RANBP17: variants seen among roughly 807,000 people sequenced by gnomAD.
RANBP17 encodes the protein ran-binding protein 17.
RANBP17 carries 158 observed loss-of-function variants against 141.2 expected under a neutral mutation model. The observed-to-expected ratio is 1.12, with a 90% CI of 0.98 to 1.28. RANBP17 has a LOEUF of 1.28. Ranked by LOEUF, RANBP17 falls within the 50% of genes most tolerant of loss-of-function variation. The pLI, the probability that RANBP17 is intolerant of heterozygous loss-of-function variation, is 0.00. For missense variants in RANBP17, 1,438 were observed against 1,290.7 expected (o/e 1.11, Z -1.75); for synonymous variants, 430 against 450.0 (o/e 0.96, Z 0.56).
intron 11 of RANBP17, among the ~76,000 whole-genome samples, chr5:170,923,209 T>G (rs1259577475): frequency 6.6e-6 from 1 of 152,190 alleles, no homozygotes; most frequent in African/African-American, 2.4e-5. Context: ...CTAGAGTTCT[T>G]CTTTTTGGCA....
intron 22 of RANBP17, among the ~76,000 whole-genome samples, chr5:171,229,269 G>C (rs1000180480): frequency 6.6e-6 from 1 of 152,150 alleles, no homozygotes; most frequent in African/African-American, 2.4e-5. Context: ...CAACACCTTG[G>C]GATCCCAAAA....
At chr5:171,071,653 C>CAAAAAAAAAAAAAAAAAAAAAAAAA (rs34555837) in intron 14 of RANBP17, among the ~76,000 whole-genome samples, 1 of 69,616 alleles carries the variant, frequency 1.4e-5, no homozygotes, top group East Asian at 5.2e-4. Flanking sequence ...CAGCTTTATG[C>CAAAAAAAAAAAAAAAAAAAAAAAAA]AAAAAAAAAA....
rs115010983 is a variant in RANBP17 at position 171,055,038 on chromosome 5, T to C, written c.1710+86661T>C. Among the ~76,000 whole-genome samples the C allele has an allele frequency of 4.0e-3, 604 of 151,496 alleles. 7 individuals are homozygous for C. Among genetic ancestry groups the C allele is most frequent in the African/African-American group, 0.014 (580 of 41,282 alleles). On this transcript the variant is annotated intron_variant, in intron 14 of 27. Coordinates refer to ENST00000523189, the MANE Select transcript of RANBP17 (RefSeq NM_022897.5). ...TCAACTTAAGAAAACATTGAGTGAG[T>C]TTATCCTGCATATCTACACAAAGAG...
chr5:170,988,304 A>G (rs1171279654), intron 14 of RANBP17, among the ~76,000 whole-genome samples: 2 of 151,136 alleles, frequency 1.3e-5, no homozygotes, highest in Non-Finnish European at 3.0e-5. Flanking sequence ...TTTTTTAAGT[A>G]AGGGAGAGGG....
rs748381125 is a variant in RANBP17 at position 171,265,836 on chromosome 5, G to GTCC, written c.2934_2936dup (p.Leu979dup). 6.2e-7 allele frequency: 1 copy of GTCC among 1,613,008 alleles called. No individual in the cohort carries two copies. On this transcript the variant is annotated inframe_insertion, in exon 25 of 28. Coordinates refer to ENST00000523189, the MANE Select transcript of RANBP17 (RefSeq NM_022897.5). Reference sequence around the variant, plus strand: ...ACATTTTATGCAGCAAAACCCAGATGTCCTGCAGCAGGTAACTGGTGGTTG... The same window carrying GTCC: ...ACATTTTATGCAGCAAAACCCAGATGTCCTCCTGCAGCAGGTAACTGGTGGTTG...
In RANBP17 at chr5:171,169,707, C is replaced by G. The variant is rs930625189; in HGVS notation, c.1711-423C>G. ...ATTTTTATAACTGCCTTAAATAATC[C>G]TGAAATGGTTAATATTTTGCTGAAA... On this transcript the variant is annotated intron_variant, in intron 14 of 27. Coordinates refer to ENST00000523189, the MANE Select transcript of RANBP17 (RefSeq NM_022897.5). 2.2e-4 allele frequency among the ~76,000 whole-genome samples: 33 copies of G among 150,136 alleles called. 1 individual carries two copies. The highest frequency in any genetic ancestry group is 1.5e-5 in the Non-Finnish European group (1 of 67,480).
At chr5:170,891,809 A>C (rs1350614997) in intron 3 of RANBP17, among the ~76,000 whole-genome samples, 1 of 152,202 alleles carries the variant, frequency 6.6e-6, no homozygotes, top group Non-Finnish European at 1.5e-5. Context: ...GGGACATGAG[A>C]CTTGGTCAGG....
chr5:171,239,965 T>C (rs1372134855), intron 22 of RANBP17, among the ~76,000 whole-genome samples: 1 of 152,190 alleles, frequency 6.6e-6, no homozygotes, highest in East Asian at 1.9e-4. Context: ...ATGTCTCTTT[T>C]GGCCAATTCT....
In RANBP17 at chr5:171,103,167, G is replaced by A. The variant is rs565600674; in HGVS notation, c.1711-66963G>A. 5.3e-4 allele frequency among the ~76,000 whole-genome samples: 81 copies of A among 152,232 alleles called. 1 individual carries two copies. The South Asian group carries it at 0.013, about 24-fold the overall frequency. On this transcript the variant is annotated intron_variant, in intron 14 of 27. Transcript: ENST00000523189. ...GCTGCTCTCTTCCAAGCCGGCAGGC[G>A]GGCACATTTAAGTCTGCTGAAGCTG...
chr5:171,150,231 G>T (rs1026880874), intron 14 of RANBP17, among the ~76,000 whole-genome samples: 1 of 151,932 alleles, frequency 6.6e-6, no homozygotes, highest in African/African-American at 2.4e-5. Context: ...TAATCCTCCA[G>T]AGAATAATTA....
At chr5:170,948,536 T>C (rs572142753) in intron 12 of RANBP17, among the ~76,000 whole-genome samples, 28 of 152,346 alleles carry the variant, frequency 1.8e-4, no homozygotes, top group African/African-American at 6.5e-4. Context: ...ATACCGACAC[T>C]GTAACAGTGT....
In RANBP17 at chr5:170,981,677, C is replaced by A. The variant is rs576792174; in HGVS notation, c.1710+13300C>A. 3.3e-5 allele frequency among the ~76,000 whole-genome samples: 5 copies of A among 152,100 alleles called. No homozygotes were observed. The East Asian group carries it at 9.7e-4, about 29-fold the overall frequency. On this transcript the variant is annotated intron_variant, in intron 14 of 27. Coordinates refer to ENST00000523189, the MANE Select transcript of RANBP17 (RefSeq NM_022897.5). ...AAACTGTAAGTCCGTAAACCTCTTT[C>A]ATAAATTACCCAGTCTCAGGTATGT...
chr5:170,904,303 CCTT>C, intron 5 of RANBP17: 1 of 255,614 alleles, frequency 3.9e-6, no homozygotes, highest in South Asian at 6.3e-5. Context: ...AAAAAGCTCA[CCTT>C]CATCACTGTC....
At chr5:171,088,766 G>T (rs929860170) in intron 14 of RANBP17, among the ~76,000 whole-genome samples, 1 of 152,046 alleles carries the variant, frequency 6.6e-6, no homozygotes. Flanking sequence ...GGCTCCTGAG[G>T]CTTCTGCATT....
At chr5:170,874,116 G>A (rs1017144122) in intron 1 of RANBP17, among the ~76,000 whole-genome samples, 38 of 152,180 alleles carry the variant, frequency 2.5e-4, no homozygotes, top group African/African-American at 8.7e-4. Context: ...GGAGTCATTC[G>A]GGAGCAAGGT....
At position 170,872,042 on chromosome 5, in the gene RANBP17, C is replaced by T. The variant is rs1185517279; in HGVS notation, c.19-6055C>T. On this transcript the variant is annotated intron_variant, in intron 1 of 27. Transcript: ENST00000523189. ...CATATGAATTTTAAGGTAGTTTTTT[C>T]TAATTCTGTGAAGAATGTCAATGGT... Among the ~76,000 whole-genome samples the T allele has an allele frequency of 8.5e-5, 13 of 152,202 alleles. No individual in the cohort carries two copies. The South Asian group carries it at 2.5e-3, about 29-fold the overall frequency.
At chr5:170,892,724 C>T (rs971720893) in intron 4 of RANBP17, among the ~76,000 whole-genome samples, 171 bp downstream of exon 4, 2 of 152,112 alleles carry the variant, frequency 1.3e-5, no homozygotes, top group South Asian at 2.1e-4. Flanking sequence ...AAATGAGGAT[C>T]GTGCTGTTAC....
chr5:171,132,738 T>G (rs1434240152), intron 14 of RANBP17, among the ~76,000 whole-genome samples: 1 of 152,008 alleles, frequency 6.6e-6, no homozygotes, highest in African/African-American at 2.4e-5. Context: ...AAAAAAAGAC[T>G]TCATTTGAAG....
At chr5:171,270,346 A>T (rs1316814358) in intron 25 of RANBP17, among the ~76,000 whole-genome samples, 1 of 152,212 alleles carries the variant, frequency 6.6e-6, no homozygotes, top group East Asian at 1.9e-4. Context: ...AAGTAAAAAC[A>T]ATTGCGTCAC....
Sources: gnomAD v4.1 joint callset for allele counts (sites outside exome capture counted in the v4.1 genomes callset) on GRCh38, gnomAD v4.1.1 for gene constraint, MANE v1.5 for transcripts, NCBI Gene and HGNC (gene_info 2026-07-23, HGNC 2026-07-21) for gene names.